METTL24: variants seen among roughly 807,000 people sequenced by gnomAD.
METTL24 encodes methyltransferase like 24, also known as probable methyltransferase-like protein 24.
In METTL24, 29 loss-of-function variants were observed where a neutral mutation model predicts 32.7. The observed-to-expected ratio is 0.89, with a 90% CI of 0.66 to 1.21. The LOEUF is 1.21. Among genes scored for constraint, METTL24 ranks in the 50% most tolerant of loss-of-function variants. The pLI is 0.00. For missense variants in METTL24, 439 were observed against 468.1 expected (o/e 0.94, Z 0.57); for synonymous variants, 163 against 179.5 (o/e 0.91, Z 0.73).
chr6:110,309,467 G>A (rs937440293), intron 3 of METTL24, among the ~76,000 whole-genome samples: 2 of 152,184 alleles, frequency 1.3e-5, no homozygotes, highest in African/African-American at 4.8e-5. Context: ...CAGGGACGAT[G>A]TATTAGTTTG....
At chr6:110,270,529 G>A (rs1304702220) in intron 4 of METTL24, among the ~76,000 whole-genome samples, 2 of 152,128 alleles carry the variant, frequency 1.3e-5, no homozygotes, top group South Asian at 4.1e-4. Flanking sequence ...ATTTTGAGGA[G>A]TGGGTGGTTT....
At chr6:110,357,094 T>C (rs1772713852) in intron 1 of METTL24, among the ~76,000 whole-genome samples, 1 of 152,152 alleles carries the variant, frequency 6.6e-6, no homozygotes, top group Non-Finnish European at 1.5e-5. Flanking sequence ...GTAGTTGCTT[T>C]GGAGAACGTG....
At chr6:110,333,808 T>A (rs2114764083) in intron 1 of METTL24, among the ~76,000 whole-genome samples, 1 of 152,360 alleles carries the variant, frequency 6.6e-6, no homozygotes, top group East Asian at 1.9e-4. Context: ...TTTAATTTTA[T>A]AAACTTTTCC....
At chr6:110,342,708 C>A (rs928223867) in intron 1 of METTL24, among the ~76,000 whole-genome samples, 1 of 152,180 alleles carries the variant, frequency 6.6e-6, no homozygotes, top group African/African-American at 2.4e-5. Flanking sequence ...AGTTGCTTCC[C>A]ATTCCCCTCT....
chr6:110,281,466 C>A (rs1352923920), intron 4 of METTL24, among the ~76,000 whole-genome samples: 1 of 151,820 alleles, frequency 6.6e-6, no homozygotes, highest in Non-Finnish European at 1.5e-5. Context: ...TATGGTGAAA[C>A]CCCGTCTCTA....
At chr6:110,353,084 G>A (rs1465001336) in intron 1 of METTL24, among the ~76,000 whole-genome samples, 1 of 152,174 alleles carries the variant, frequency 6.6e-6, no homozygotes, top group African/African-American at 2.4e-5. Context: ...AAAAAGTGCA[G>A]GCCTCTATTC....
intron 4 of METTL24, among the ~76,000 whole-genome samples, chr6:110,265,142 AAAGAAAGAAAGAAAG>A (rs1770828968): frequency 1.8e-5 from 1 of 56,586 alleles, no homozygotes; most frequent in Non-Finnish European, 3.4e-5. Context: ...AGAAAGAAAG[AAAGAAAGAAAGAAAG>A]AAAGAAAGAA....
rs531206579 is a variant in METTL24, at chr6:110,253,077, G to A, written c.787-6817C>T. On this transcript the variant is annotated intron_variant, in intron 4 of 4. Coordinates refer to ENST00000338882, the MANE Select transcript of METTL24 (RefSeq NM_001123364.3). ...CGTTCAAGCGTAGGCCGTAAAGGGT[G>A]ATGCAGCTTCTACTTTGCTCAAGAG... 3.0e-4 allele frequency among the ~76,000 whole-genome samples: 46 copies of A among 152,330 alleles called. No homozygotes were observed. The South Asian group carries it at 8.5e-3, about 28-fold the overall frequency.
chr6:110,301,376 C>G (rs1185500454), intron 3 of METTL24, among the ~76,000 whole-genome samples: 2 of 152,204 alleles, frequency 1.3e-5, no homozygotes, highest in Non-Finnish European at 2.9e-5. Flanking sequence ...CCACACTACT[C>G]CATGCTCATG....
At chr6:110,314,807 C>G (rs778558828) in intron 3 of METTL24, among the ~76,000 whole-genome samples, 27 of 151,918 alleles carry the variant, frequency 1.8e-4, no homozygotes, top group Non-Finnish European at 2.8e-4. Context: ...ACCAAAAATA[C>G]AAAAAATTAG....
intron 4 of METTL24, among the ~76,000 whole-genome samples, chr6:110,293,045 A>T (rs1294484045): frequency 6.6e-6 from 1 of 151,928 alleles, no homozygotes; most frequent in Non-Finnish European, 1.5e-5. Context: ...CACCTTTATT[A>T]CTCCTTTATC....
At chr6:110,331,350 G>GAA (rs200539463) in intron 1 of METTL24, among the ~76,000 whole-genome samples, 2 of 143,010 alleles carry the variant, frequency 1.4e-5, no homozygotes, top group African/African-American at 5.3e-5. Context: ...TGCAGTGCAG[G>GAA]AAAAAAAAAA....
intron 4 of METTL24, among the ~76,000 whole-genome samples, chr6:110,276,071 C>A (rs1771041853): frequency 6.6e-6 from 1 of 152,162 alleles, no homozygotes; most frequent in African/African-American, 2.4e-5. Context: ...ACATTTCTCC[C>A]TTTCCACCTC....
intron 4 of METTL24, among the ~76,000 whole-genome samples, chr6:110,276,788 A>G (rs959346837): frequency 2.6e-5 from 4 of 152,182 alleles, no homozygotes; most frequent in Non-Finnish European, 5.9e-5. Flanking sequence ...GCAATCACTC[A>G]GTATTCACTG....
At chr6:110,250,339 C>T in intron 4 of METTL24, among the ~76,000 whole-genome samples, 1 of 151,888 alleles carries the variant, frequency 6.6e-6, no homozygotes, top group East Asian at 1.9e-4. Context: ...TGATCTCTGC[C>T]TTCATCTTCA....
chr6:110,349,402 C>T (rs1030634523), intron 1 of METTL24, among the ~76,000 whole-genome samples: 11 of 152,180 alleles, frequency 7.2e-5, no homozygotes, highest in Admixed American at 6.5e-4. Context: ...AGCATGGGGT[C>T]CAGAGAGATG....
chr6:110,324,603 G>T, intron 1 of METTL24, among the ~76,000 whole-genome samples: 1 of 152,094 alleles, frequency 6.6e-6, no homozygotes, highest in Non-Finnish European at 1.5e-5. Context: ...ATTTTATACT[G>T]GGCCCACGAA....
chr6:110,259,328 C>A (rs113742160), intron 4 of METTL24, among the ~76,000 whole-genome samples: 12,396 of 152,282 alleles, frequency 0.081, 534 homozygotes, highest in South Asian at 0.16. Flanking sequence ...TATCCCACGC[C>A]TGGCTCAGAG....
At chr6:110,337,372 A>C (rs186461477) in intron 1 of METTL24, among the ~76,000 whole-genome samples, 1 of 152,344 alleles carries the variant, frequency 6.6e-6, no homozygotes, top group East Asian at 1.9e-4. Context: ...AACCCCCATT[A>C]TATGAGTTTA....
Sources: gnomAD v4.1 joint callset for allele counts (sites outside exome capture counted in the v4.1 genomes callset) on GRCh38, gnomAD v4.1.1 for gene constraint, MANE v1.5 for transcripts, NCBI Gene and HGNC (gene_info 2026-07-23, HGNC 2026-07-21) for gene names.